PARD3B: variants seen among roughly 807,000 people sequenced by gnomAD.
PARD3B encodes partitioning defective 3 homolog B.
PARD3B carries 103 observed loss-of-function variants against 130.2 expected under a neutral mutation model. The ratio of observed to expected loss-of-function variants is 0.79; its 90% CI spans 0.67 to 0.93. The LOEUF (loss-of-function observed/expected upper bound fraction) is 0.93, where lower values mean the gene tolerates loss of function less well. Among genes scored for constraint, PARD3B ranks in the 40% least tolerant of loss-of-function variants. The pLI is 0.00. For missense variants in PARD3B, 1,609 were observed against 1,499.2 expected (o/e 1.07, Z -1.21); for synonymous variants, 583 against 553.2 (o/e 1.05, Z -0.76).
intron 18 of PARD3B, among the ~76,000 whole-genome samples, chr2:205,400,673 T>C (rs2046219522): frequency 6.6e-6 from 1 of 151,738 alleles, no homozygotes; most frequent in Non-Finnish European, 1.5e-5. Flanking sequence ...AAGAAAGTCC[T>C]ACCTCTAAGC....
chr2:205,494,588 A>G (rs183874405), intron 20 of PARD3B, among the ~76,000 whole-genome samples: 100 of 152,330 alleles, frequency 6.6e-4, no homozygotes, highest in Middle Eastern at 3.4e-3. Flanking sequence ...ACTTCATTGC[A>G]TGTATTTCTA....
chr2:204,692,207 T>G (rs1380744056), intron 2 of PARD3B, among the ~76,000 whole-genome samples: 1 of 152,124 alleles, frequency 6.6e-6, no homozygotes, highest in East Asian at 1.9e-4. Context: ...TTTTGCTATG[T>G]TTTTTGTTAC....
At chr2:204,786,968 G>GT (rs2042030675) in intron 2 of PARD3B, among the ~76,000 whole-genome samples, 1 of 151,982 alleles carries the variant, frequency 6.6e-6, no homozygotes, top group Non-Finnish European at 1.5e-5. Flanking sequence ...TTCTCTGGAC[G>GT]TATGGGATGT....
intron 18 of PARD3B, among the ~76,000 whole-genome samples, chr2:205,322,824 A>T (rs1434539010): frequency 7.1e-6 from 1 of 140,670 alleles, no homozygotes; most frequent in African/African-American, 2.5e-5. Context: ...ATACAACTTT[A>T]TGAAGCACTT....
intron 19 of PARD3B, among the ~76,000 whole-genome samples, chr2:205,410,914 G>A (rs188106583): frequency 4.3e-4 from 66 of 152,060 alleles, no homozygotes; most frequent in Non-Finnish European, 6.8e-4. Context: ...GCCTCCACCC[G>A]CCCCATACCC....
chr2:205,247,761 A>T (rs1228534088), intron 16 of PARD3B, among the ~76,000 whole-genome samples: 1 of 152,224 alleles, frequency 6.6e-6, no homozygotes, highest in East Asian at 1.9e-4. Context: ...AGAGGGCTAA[A>T]CAATCACCAA....
At chr2:205,059,326 A>G (rs1699923836) in intron 4 of PARD3B, among the ~76,000 whole-genome samples, 1 of 152,064 alleles carries the variant, frequency 6.6e-6, no homozygotes, top group Non-Finnish European at 1.5e-5. Context: ...CTCTAGTCAC[A>G]CTGCATGAAG....
At position 205,592,612 on chromosome 2, in the gene PARD3B, A is replaced by G. The variant is rs749481664; in HGVS notation, c.3261-22844A>G. ...GAGGCAGAATGTTTCCCATACAACT[A>G]TAATGCCTGCGTTATATTTAAGGTT... On this transcript the variant is annotated intron_variant, in intron 22 of 22. Coordinates refer to ENST00000406610, the MANE Select transcript of PARD3B (RefSeq NM_001302769.2). The surrounding 1 kb of genome is among the most constrained non-coding windows in gnomAD (Gnocchi z 4.5). 3.3e-5 allele frequency among the ~76,000 whole-genome samples: 5 copies of G among 152,248 alleles called. No homozygotes were observed. The highest frequency in any genetic ancestry group is 5.9e-5 in the Non-Finnish European group (4 of 68,042).
At chr2:205,007,606 T>C (rs1241563992) in intron 3 of PARD3B, among the ~76,000 whole-genome samples, 1 of 152,230 alleles carries the variant, frequency 6.6e-6, no homozygotes, top group African/African-American at 2.4e-5. Flanking sequence ...GGAAGTCAGA[T>C]AATGACTTCA....
rs534150255 is a variant in PARD3B at position 205,242,733 on chromosome 2, C to T, written c.2141-3045C>T. Among the ~76,000 whole-genome samples the T allele has an allele frequency of 3.9e-5, 6 of 152,296 alleles. No individual in the cohort carries two copies. The South Asian group carries it at 1.0e-3, about 26-fold the overall frequency. On this transcript the variant is annotated intron_variant, in intron 15 of 22. Coordinates refer to ENST00000406610, the MANE Select transcript of PARD3B (RefSeq NM_001302769.2). ...CCACCTTTACCACTCTCACAACTTC[C>T]ATTTATCAAATGTTTTCATTTATTG...
At chr2:205,252,693 T>G (rs896485663) in intron 16 of PARD3B, among the ~76,000 whole-genome samples, 1 of 152,086 alleles carries the variant, frequency 6.6e-6, no homozygotes, top group Non-Finnish European at 1.5e-5. Context: ...TTAAGCCAAG[T>G]AGGCAGAGAT....
chr2:205,062,143 C>T (rs1451404684), intron 4 of PARD3B, among the ~76,000 whole-genome samples: 1 of 151,996 alleles, frequency 6.6e-6, no homozygotes, highest in African/African-American at 2.4e-5. Flanking sequence ...TAAAATACCA[C>T]CTCCTTTTTC....
chr2:205,485,192 A>G (rs1379954485), intron 20 of PARD3B, among the ~76,000 whole-genome samples: 1 of 152,030 alleles, frequency 6.6e-6, no homozygotes, highest in East Asian at 1.9e-4. Context: ...GTTTTGTTTC[A>G]TTTTAACTTT....
chr2:205,078,512 T>C lies in PARD3B; in HGVS notation c.505-25914T>C, dbSNP rs1454713648. ...ATAAGTATTCTATCAAGATAGAAAT[T>C]TAAAGTAAATGTGACTTCATTAATT... On this transcript the variant is annotated intron_variant, in intron 4 of 22. Coordinates refer to ENST00000406610, the MANE Select transcript of PARD3B (RefSeq NM_001302769.2). The surrounding 1 kb of genome is among the most constrained non-coding windows in gnomAD (Gnocchi z 4.0). Among the ~76,000 whole-genome samples the C allele has an allele frequency of 6.6e-6, 1 of 152,176 alleles. No homozygotes were observed. Among genetic ancestry groups the C allele is most frequent in the African/African-American group, 2.4e-5 (1 of 41,450 alleles).
chr2:204,596,682 A>G (rs1231354578), intron 1 of PARD3B, among the ~76,000 whole-genome samples: 1 of 152,160 alleles, frequency 6.6e-6, no homozygotes, highest in Non-Finnish European at 1.5e-5. Flanking sequence ...TAATCCCAGC[A>G]CTTTGGGAGG....
intron 3 of PARD3B, among the ~76,000 whole-genome samples, chr2:204,986,146 T>A (rs1361057352): frequency 1.4e-5 from 2 of 146,730 alleles, no homozygotes; most frequent in Non-Finnish European, 3.0e-5. Flanking sequence ...TGGGCCCATA[T>A]GCTAGGGACT....
rs141755605 is a variant in PARD3B at position 205,587,890 on chromosome 2, G to A, written c.3261-27566G>A. Among the ~76,000 whole-genome samples, 21 of 152,288 alleles carry A rather than the reference G, an allele frequency of 1.4e-4. No individual in the cohort carries two copies. The East Asian group carries it at 4.1e-3, about 29-fold the overall frequency. On this transcript the variant is annotated intron_variant, in intron 22 of 22. Transcript: ENST00000406610. ...ACAGCAACAGATACTCTAGAAGCAGGATGAACATGAGAGTGGATTTACAAC... is the reference window on the plus strand; with the variant it reads ...ACAGCAACAGATACTCTAGAAGCAGAATGAACATGAGAGTGGATTTACAAC...
At chr2:204,656,130 G>A (rs1387652006) in intron 1 of PARD3B, among the ~76,000 whole-genome samples, 2 of 152,098 alleles carry the variant, frequency 1.3e-5, no homozygotes, top group Non-Finnish European at 2.9e-5. Context: ...ATTGGCCACT[G>A]CAAATCACAA....
At chr2:205,453,452 G>T (rs1023902638) in intron 20 of PARD3B, among the ~76,000 whole-genome samples, 2 of 152,186 alleles carry the variant, frequency 1.3e-5, no homozygotes, top group African/African-American at 4.8e-5. Flanking sequence ...AGGCAATGGG[G>T]AACGCTTAAA....
Sources: allele counts gnomAD v4.1 joint callset (sites outside exome capture counted in the v4.1 genomes callset), GRCh38; gene constraint gnomAD v4.1.1; non-coding constraint Gnocchi (gnomAD v3.1); transcripts MANE v1.5; gene names NCBI Gene and HGNC (gene_info 2026-07-23, HGNC 2026-07-21).